The following FSCN2 variants were observed in gnomAD, a reference collection of about 807,000 sequenced individuals.
FSCN2 encodes the protein fascin actin-bundling protein 2, retinal.
FSCN2 carries 46 observed loss-of-function variants against 37.8 expected under a neutral mutation model. That is an observed-to-expected ratio of 1.22 (90% CI 0.96 to 1.56). The LOEUF is 1.56. FSCN2 is among the 40% of genes most tolerant of loss of function. The probability of loss-of-function intolerance (pLI) is 0.00; values close to 1 mark genes in which losing one functional copy is unlikely to be tolerated. For missense variants in FSCN2, 844 were observed against 730.4 expected, an observed-to-expected ratio of 1.16 and a Z score of -1.79; for synonymous variants, 351 against 309.4, an observed-to-expected ratio of 1.13 and a Z score of -1.41.
chr17:81,532,175 G>A (rs556620228), intron 1 of FSCN2, among the ~76,000 whole-genome samples: 113 of 137,368 alleles, frequency 8.2e-4, no homozygotes, highest in African/African-American at 3.6e-3. Flanking sequence ...TGATGGTGGT[G>A]GTGATGGTGG....
chr17:81,515,363 G>A, the FSCN2 span, among the ~76,000 whole-genome samples: 1 of 152,212 alleles, frequency 6.6e-6, no homozygotes, highest in African/African-American at 2.4e-5. Flanking sequence ...GTAGCTGGGC[G>A]GCCTCCGGAG....
rs2032420135 is a variant in FSCN2, at chr17:81,528,443, A to T, written c.-89A>T. ...GGGTCTGGGGGCTGTGGGCCAGCCG[A>T]GCCGACCCGGGCTTCTGGGGGACCG... On this transcript the variant is annotated 5_prime_UTR_variant, in exon 1 of 5. Transcript: ENST00000417245. 3.0e-6 allele frequency: 3 copies of T among 1,012,382 alleles called. No individual in the cohort carries two copies. The African/African-American group carries it at 4.8e-5, about 16-fold the overall frequency. 62.7% of individuals were successfully genotyped at this position (1,012,382 alleles called of 1,614,324 possible).
At chr17:81,526,194 C>A (rs1282058111), upstream of FSCN2, among the ~76,000 whole-genome samples, 1 of 152,236 alleles carries the variant, frequency 6.6e-6, no homozygotes, top group Non-Finnish European at 1.5e-5. Flanking sequence ...GAGGGGCAGG[C>A]CGCCTGGGCT....
At chr17:81,530,408 A>T (rs1467524987) in intron 1 of FSCN2, among the ~76,000 whole-genome samples, 1 of 152,106 alleles carries the variant, frequency 6.6e-6, no homozygotes. Context: ...TATGGGGTGA[A>T]CCCCAGCAGT....
At chr17:81,530,928 C>T (rs1234931484) in intron 1 of FSCN2, among the ~76,000 whole-genome samples, 1 of 152,262 alleles carries the variant, frequency 6.6e-6, no homozygotes, top group African/African-American at 2.4e-5. Flanking sequence ...TGTGGCAATC[C>T]TTAGGTGGTT....
At chr17:81,530,495 C>T (rs2143857492) in intron 1 of FSCN2, 1 of 422,168 alleles carries the variant, frequency 2.4e-6, no homozygotes, top group Admixed American at 3.3e-5. Flanking sequence ...GCTCCTGGCT[C>T]CATGCACCCC....
chr17:81,531,168 G>A (rs1231304160), intron 1 of FSCN2, among the ~76,000 whole-genome samples: 2 of 124,904 alleles, frequency 1.6e-5, no homozygotes, highest in Non-Finnish European at 3.5e-5. Flanking sequence ...GGTGATGATG[G>A]TGGTGATGGT....
chr17:81,531,258 A>ATAATGG (rs2032551681), intron 1 of FSCN2, among the ~76,000 whole-genome samples: 1 of 70,198 alleles, frequency 1.4e-5, no homozygotes, highest in African/African-American at 7.0e-5. Context: ...GGTGATGGTG[A>ATAATGG]TGATGGTGGT....
At chr17:81,520,681 T>A in the FSCN2 span, among the ~76,000 whole-genome samples, 1 of 152,240 alleles carries the variant, frequency 6.6e-6, no homozygotes, top group African/African-American at 2.4e-5. Flanking sequence ...GCACTGCTGC[T>A]GATGAGAAAT....
chr17:81,529,775 C>A (rs1298963750), intron 1 of FSCN2: 1 of 407,912 alleles, frequency 2.5e-6, no homozygotes, highest in Non-Finnish European at 4.8e-6. Context: ...TCCATATCTC[C>A]CCTTCTTTTT....
chr17:81,527,036 T>C (rs986956594), upstream of FSCN2: 5 of 152,018 alleles, frequency 3.3e-5, no homozygotes, highest in Admixed American at 3.3e-4. Context: ...GTCTCCTCTT[T>C]TTCCTCCCCT....
At chr17:81,531,150 ATGGTGATGG>A (rs1179011524) in intron 1 of FSCN2, among the ~76,000 whole-genome samples, 3 of 138,796 alleles carry the variant, frequency 2.2e-5, no homozygotes, top group Admixed American at 7.4e-5. Context: ...AGCGACAATG[ATGGTGATGG>A]TGATGATGGT....
the FSCN2 span, among the ~76,000 whole-genome samples, chr17:81,520,360 A>T: frequency 6.6e-6 from 1 of 152,180 alleles, no homozygotes; most frequent in East Asian, 1.9e-4. Context: ...CCATGTGTCC[A>T]CTTGGTCTGT....
the FSCN2 span, among the ~76,000 whole-genome samples, chr17:81,522,467 C>T: frequency 6.6e-6 from 1 of 152,234 alleles, no homozygotes; most frequent in African/African-American, 2.4e-5. Flanking sequence ...CAGAGCCCTT[C>T]TCACCGTAGA....
chr17:81,515,731 G>T, the FSCN2 span, among the ~76,000 whole-genome samples: 3 of 152,318 alleles, frequency 2.0e-5, no homozygotes, highest in Non-Finnish European at 4.4e-5. Flanking sequence ...AGTCCCCACC[G>T]CCAACCACCT....
At chr17:81,532,130 A>G (rs1397459074) in intron 1 of FSCN2, among the ~76,000 whole-genome samples, 661 of 21,582 alleles carry the variant, frequency 0.031, no homozygotes, top group Middle Eastern at 0.16. Context: ...TGGTGATGAT[A>G]GTGATGGTGA....
At chr17:81,530,336 G>A (rs1205145240) in intron 1 of FSCN2, among the ~76,000 whole-genome samples, 1 of 152,234 alleles carries the variant, frequency 6.6e-6, no homozygotes, top group African/African-American at 2.4e-5. Context: ...AGTGGGGCGT[G>A]GCCTGGCTCT....
chr17:81,524,464 G>C (rs71373082), upstream of FSCN2, among the ~76,000 whole-genome samples: 1 of 152,240 alleles, frequency 6.6e-6, no homozygotes, highest in African/African-American at 2.4e-5. Context: ...ACCAGCCTCA[G>C]AGGTGGGCGA....
intron 2 of FSCN2, 133 bp downstream of exon 2, chr17:81,535,341 ACCACCATCCCCATCT>A (rs1409658429): frequency 7.3e-6 from 4 of 547,468 alleles, no homozygotes; most frequent in Admixed American, 3.6e-5. Context: ...CATCCCCATG[ACCACCATCCCCATCT>A]CCACCATCTC....
Sources: gnomAD v4.1 joint callset for allele counts (sites outside exome capture counted in the v4.1 genomes callset) on GRCh38, gnomAD v4.1.1 for gene constraint, MANE v1.5 for transcripts, NCBI Gene and HGNC (gene_info 2026-07-23, HGNC 2026-07-21) for gene names.